Variants in PLD5 observed in about 807,000 individuals in gnomAD.
PLD5 encodes inactive phospholipase D5.
PLD5 carries 36 observed loss-of-function variants against 61.1 expected under a neutral mutation model. That is an observed-to-expected ratio of 0.59 (90% CI 0.45 to 0.78). PLD5 has a LOEUF of 0.78. PLD5 is among the 30% of genes least tolerant of loss of function. The pLI, the probability that PLD5 is intolerant of heterozygous loss-of-function variation, is 0.00. For synonymous variants in PLD5, 243 were observed against 242.8 expected (o/e 1.00, Z -0.01); for missense variants, 515 against 644.4 (o/e 0.80, Z 2.17).
At chr1:242,445,593 C>T (rs1299554453) in intron 1 of PLD5, among the ~76,000 whole-genome samples, 3 of 152,068 alleles carry the variant, frequency 2.0e-5, no homozygotes, top group African/African-American at 7.2e-5. Context: ...CCACCCGCCT[C>T]GGCCTCCCAA....
intron 5 of PLD5, among the ~76,000 whole-genome samples, chr1:242,207,884 A>ATATATTTATATATATT (rs1307193976): frequency 3.5e-5 from 1 of 28,610 alleles, no homozygotes; most frequent in African/African-American, 1.5e-4. Flanking sequence ...ATATTTATAT[A>ATATATTTATATATATT]TTTATATATA....
intron 1 of PLD5, among the ~76,000 whole-genome samples, chr1:242,461,079 T>C (rs991110123): frequency 6.2e-4 from 94 of 152,224 alleles, no homozygotes; most frequent in African/African-American, 2.1e-3. Flanking sequence ...AGGCAGAGGT[T>C]GCAGTGAGCC....
At chr1:242,312,872 C>T (rs7413625) in intron 2 of PLD5, among the ~76,000 whole-genome samples, 99,816 of 152,110 alleles carry the variant, frequency 0.66, 34,965 homozygotes, top group Non-Finnish European at 0.77. Context: ...GTATTTGCTT[C>T]GTTCTTATAA....
Position 242,395,130 on chromosome 1 carries a change from T to C in PLD5, c.190-46888A>G, listed in dbSNP as rs896874764. Among the ~76,000 whole-genome samples the C allele has an allele frequency of 4.0e-5, 6 of 148,482 alleles. No homozygotes were observed. The Admixed American group carries it at 4.1e-4, about 10-fold the overall frequency. ...GTATATGAATATATATGTATGTATATGTATATATTTTAAATAGAGCTATTC... is the reference window on the plus strand; with the variant it reads ...GTATATGAATATATATGTATGTATACGTATATATTTTAAATAGAGCTATTC... On this transcript the variant is annotated intron_variant, in intron 1 of 9. Coordinates refer to ENST00000536534, the MANE Select transcript of PLD5 (RefSeq NM_001372062.1).
chr1:242,519,811 C>T (rs577623900), intron 1 of PLD5, among the ~76,000 whole-genome samples: 6 of 152,170 alleles, frequency 3.9e-5, no homozygotes, highest in South Asian at 2.1e-4. Context: ...AGTGAGCCAG[C>T]CTTGCCGACC....
Position 242,459,430 on chromosome 1 carries a change from C to T in PLD5, c.189+64658G>A, listed in dbSNP as rs1043685536. Among the ~76,000 whole-genome samples the T allele has an allele frequency of 4.6e-5, 7 of 152,198 alleles. No individual in the cohort carries two copies. In the East Asian group the frequency reaches 9.7e-4, roughly 21 times the overall value. On this transcript the variant is annotated intron_variant, in intron 1 of 9. Coordinates refer to ENST00000536534, the MANE Select transcript of PLD5 (RefSeq NM_001372062.1). ...TAAAATCTTTGGGAGGATCCACTATCGTTAATTTTGTTCTGTGTATAATTT... is the reference window on the plus strand; with the variant it reads ...TAAAATCTTTGGGAGGATCCACTATTGTTAATTTTGTTCTGTGTATAATTT...
intron 1 of PLD5, among the ~76,000 whole-genome samples, chr1:242,516,110 A>G (rs1189528447): frequency 6.6e-6 from 1 of 151,908 alleles, no homozygotes. Context: ...TCTTTTGTGA[A>G]GTTCCTGTTC....
At chr1:242,413,288 C>T (rs935217967) in intron 1 of PLD5, among the ~76,000 whole-genome samples, 1 of 152,044 alleles carries the variant, frequency 6.6e-6, no homozygotes, top group Non-Finnish European at 1.5e-5. Context: ...ATTTTTCTAA[C>T]CCTTTGTCGT....
At chr1:242,284,975 G>A in intron 3 of PLD5, among the ~76,000 whole-genome samples, 1 of 152,200 alleles carries the variant, frequency 6.6e-6, no homozygotes, top group Non-Finnish European at 1.5e-5. Context: ...ACAGAAGTCT[G>A]TTGCTATTAG....
At chr1:242,449,519 A>G (rs1227181929) in intron 1 of PLD5, 7 of 1,483,600 alleles carry the variant, frequency 4.7e-6, no homozygotes, top group Middle Eastern at 1.9e-4. Flanking sequence ...GCTGGCCTCA[A>G]TGCTTTGGAA....
intron 6 of PLD5, among the ~76,000 whole-genome samples, chr1:242,119,577 A>C (rs568476532): frequency 2.6e-5 from 4 of 152,342 alleles, no homozygotes; most frequent in African/African-American, 7.2e-5. Flanking sequence ...TAAAGAAGAG[A>C]TACAAATGGC....
chr1:242,129,799 C>T (rs1393677823), intron 5 of PLD5, among the ~76,000 whole-genome samples: 1 of 152,148 alleles, frequency 6.6e-6, no homozygotes, highest in Non-Finnish European at 1.5e-5. Context: ...CTCCTATGCT[C>T]TCACCCTTCT....
At chr1:242,527,797 G>C (rs902208719), upstream of PLD5, among the ~76,000 whole-genome samples, 3 of 152,126 alleles carry the variant, frequency 2.0e-5, no homozygotes, top group Non-Finnish European at 4.4e-5. Flanking sequence ...TCTGAAGATG[G>C]CCAGGTATAA....
In PLD5 at chr1:242,493,409, C is replaced by T. The variant is rs909330494; in HGVS notation, c.189+30679G>A. Among the ~76,000 whole-genome samples, 11 of 152,110 alleles carry T rather than the reference C, an allele frequency of 7.2e-5. No homozygotes were observed. The South Asian group carries it at 8.3e-4, about 11-fold the overall frequency. ...AGGGGTCAGAACAGGAGGAGAGAGGCGAGCACCGGGTTATGCTTCTGGACA... is the reference window on the plus strand; with the variant it reads ...AGGGGTCAGAACAGGAGGAGAGAGGTGAGCACCGGGTTATGCTTCTGGACA... On this transcript the variant is annotated intron_variant, in intron 1 of 9. Transcript: ENST00000536534.
At chr1:242,098,533 T>C (rs747882686) in intron 9 of PLD5, among the ~76,000 whole-genome samples, 47 of 152,202 alleles carry the variant, frequency 3.1e-4, no homozygotes, top group Non-Finnish European at 4.4e-4. Context: ...AGTAGTTTGA[T>C]CGTCTGAAGC....
intron 5 of PLD5, among the ~76,000 whole-genome samples, chr1:242,136,487 GT>G (rs1427253798): frequency 6.6e-6 from 1 of 152,120 alleles, no homozygotes; most frequent in African/African-American, 2.4e-5. Context: ...TTCCAACGTC[GT>G]TTGAGAAATT....
chr1:242,156,081 A>C (rs6689652), intron 5 of PLD5, among the ~76,000 whole-genome samples: 2,823 of 152,216 alleles, frequency 0.019, 107 homozygotes, highest in African/African-American at 0.065. Flanking sequence ...TTCTTGTTGC[A>C]TTGATCCCTT....
At chr1:242,513,370 A>G in intron 1 of PLD5, among the ~76,000 whole-genome samples, 1 of 152,180 alleles carries the variant, frequency 6.6e-6, no homozygotes, top group East Asian at 1.9e-4. Context: ...CTTGGCATTA[A>G]CAGTACCTTC....
At chr1:242,511,649 G>A (rs569707761) in intron 1 of PLD5, among the ~76,000 whole-genome samples, 2 of 152,022 alleles carry the variant, frequency 1.3e-5, no homozygotes, top group Non-Finnish European at 2.9e-5. Context: ...TGATCTGTAT[G>A]CCTTTAAACC....
Sources: allele counts gnomAD v4.1 joint callset (sites outside exome capture counted in the v4.1 genomes callset), GRCh38; gene constraint gnomAD v4.1.1; transcripts MANE v1.5; gene names NCBI Gene and HGNC (gene_info 2026-07-23, HGNC 2026-07-21).